PIP4K2C: variants seen among roughly 807,000 people sequenced by gnomAD.
PIP4K2C encodes phosphatidylinositol-5-phosphate 4-kinase type 2 gamma.
Under a neutral mutation model 45.0 loss-of-function variants are expected in PIP4K2C, and 21 were observed. That is an observed-to-expected ratio of 0.47 (90% CI 0.33 to 0.67). The LOEUF (loss-of-function observed/expected upper bound fraction) is 0.67, where lower values mean the gene tolerates loss of function less well. Ranked by LOEUF, PIP4K2C falls within the 30% of genes least tolerant of loss-of-function variation. The pLI, the probability that PIP4K2C is intolerant of heterozygous loss-of-function variation, is 0.02. For synonymous variants in PIP4K2C, 201 were observed against 204.8 expected (o/e 0.98, Z 0.16); for missense variants, 456 against 542.8 (o/e 0.84, Z 1.59).
At chr12:57,595,825 CTA>C in intron 3 of PIP4K2C, 61 bp from the exon 4 acceptor site, 1 of 1,574,110 alleles carries the variant, frequency 6.4e-7, no homozygotes, top group Non-Finnish European at 8.7e-7. Context: ...GACCATTTTC[CTA>C]TGACTTGTTT....
Position 57,601,635 on chromosome 12 carries a change from A to C in PIP4K2C, c.*29A>C, listed in dbSNP as rs777648807. On this transcript the variant is annotated 3_prime_UTR_variant, in exon 10 of 10. Coordinates refer to ENST00000354947, the MANE Select transcript of PIP4K2C (RefSeq NM_024779.5). ...ACTGCCTGGTTCTCTCTGATGTTCA[A>C]GGTGGTGGGGTTCTGAGACACTTGG... The C allele has an allele frequency of 3.2e-6, 5 of 1,558,676 alleles. No homozygotes were observed. The highest frequency in any genetic ancestry group is 4.4e-6 in the Non-Finnish European group (5 of 1,129,608).
Position 57,603,066 on chromosome 12 carries a change from G to A in PIP4K2C, c.*1460G>A, listed in dbSNP as rs776247794. 2.6e-5 allele frequency: 4 copies of A among 152,338 alleles called. No homozygotes were observed. The highest frequency in any genetic ancestry group is 5.9e-5 in the Non-Finnish European group (4 of 68,048). The allele number at this position is 152,338 out of a possible 1,614,324, so 9.4% of individuals were successfully genotyped here. A position where few individuals can be genotyped will look rare whatever the true frequency, so the allele number is the denominator to read the frequency against. On this transcript the variant is annotated 3_prime_UTR_variant, in exon 10 of 10. Coordinates refer to ENST00000354947, the MANE Select transcript of PIP4K2C (RefSeq NM_024779.5). ...GATCTGTCTCACAAGAAGCCATGAG[G>A]CCATAGGGAGAAGCTCCCTCTCCCC...
Position 57,600,897 on chromosome 12 carries a change from G to T in PIP4K2C, c.900G>T (p.Ala300=), listed in dbSNP as rs752628265. The T allele has an allele frequency of 3.1e-6, 5 of 1,614,228 alleles. No homozygotes were observed. Among genetic ancestry groups the T allele is most frequent in the Non-Finnish European group, 3.4e-6 (4 of 1,180,040 alleles). The part of the protein sequence containing the change: ...IIRGSEPEEE[A]PVREDESEVD... ...GGGGCTCTGAACCAGAGGAGGAAGC[G>T]CCCGTGCGGGAGGATGAGTCAGAGG... is the stretch of plus-strand genomic sequence containing the variant. Residue 300 remains alanine, a synonymous_variant, in exon 8 of 10, where the codon GCG becomes GCT. Coordinates refer to ENST00000354947, the MANE Select transcript of PIP4K2C (RefSeq NM_024779.5).
intron 1 of PIP4K2C, among the ~76,000 whole-genome samples, chr12:57,592,395 T>G (rs371201981): frequency 5.1e-4 from 77 of 152,350 alleles, no homozygotes; most frequent in African/African-American, 1.7e-3. Flanking sequence ...AATATAGTCA[T>G]GGCTAGGCTG....
rs780709881 is a variant in PIP4K2C at position 57,599,222 on chromosome 12, G to T, written c.660+11G>T. 8 of 1,613,810 alleles carry T rather than the reference G, an allele frequency of 5.0e-6. No homozygotes were observed. In the East Asian group the frequency reaches 1.6e-4, roughly 31 times the overall value. On this transcript the variant is annotated intron_variant, in intron 5 of 9. Transcript: ENST00000354947. The stretch of plus-strand genomic sequence containing the variant: ...AAGTATGACCTCAAGGTAAGAAGAG[G>T]GTAGCTCGGACTTAGAGGGAGGCTC...
Position 57,591,444 on chromosome 12 carries a change from T to A in PIP4K2C, c.155T>A (p.Leu52Gln). 6.2e-7 allele frequency: 1 copy of A among 1,612,684 alleles called. No homozygotes were observed. Among genetic ancestry groups the A allele is most frequent in the Non-Finnish European group, 8.5e-7 (1 of 1,179,410 alleles). Residue 52 changes from leucine to glutamine, a missense_variant, in exon 1 of 10, where the codon CTG becomes CAG. By Grantham distance (113) the Leu-to-Gln change is moderately radical. Coordinates refer to ENST00000354947, the MANE Select transcript of PIP4K2C (RefSeq NM_024779.5). Reference sequence around the variant, plus strand: ...GCCGACCCGCTGGTGGGTGTGTTCCTGTGGGGCGTAGCCCACTCGGTGAGA... The same window carrying A: ...GCCGACCCGCTGGTGGGTGTGTTCCAGTGGGGCGTAGCCCACTCGGTGAGA... ...RAADPLVGVF[L>Q]WGVAHSINEL...
rs1565712708 is a variant in PIP4K2C, at chr12:57,595,897, A to G, written c.379A>G (p.Thr127Ala). Reference protein sequence around the residue: ...IDDQDYLVSLTRNPPSESEGS... With the variant: ...IDDQDYLVSLARNPPSESEGS... ...TATTCTGTGTCCCCAGGTGTCCCTT[A>G]CCCGAAACCCCCCCAGCGAAAGTGA... Residue 127 changes from threonine (T) to alanine (A), a missense_variant, in exon 4 of 10, where the codon ACC (threonine) becomes GCC (alanine). This residue lies in a region of PIP4K2C where 421 missense variants were observed against 473.1 expected (regional missense o/e 0.89). Transcript: ENST00000354947. 1 of 1,613,934 alleles carries G rather than the reference A, an allele frequency of 6.2e-7. No individual in the cohort carries two copies. The highest frequency in any genetic ancestry group is 1.7e-5 in the Admixed American group (1 of 60,008).
rs1270691224 is a variant in PIP4K2C at position 57,601,862 on chromosome 12, T to C, written c.*256T>C. 1 of 503,496 alleles carries C rather than the reference T, an allele frequency of 2.0e-6. No homozygotes were observed. The highest frequency in any genetic ancestry group is 1.9e-5 in the African/African-American group (1 of 51,804). The allele number at this position is 503,496 out of a possible 1,614,324, so 31.2% of individuals were successfully genotyped here. A position where few individuals can be genotyped will look rare whatever the true frequency, so the allele number is the denominator to read the frequency against. ...AAGTCTGCTTGTAGTATTAGAATGT[T>C]ATTGTTGACTCTCTCCCAAGTGCCT... On this transcript the variant is annotated 3_prime_UTR_variant, in exon 10 of 10. Transcript: ENST00000354947.
At position 57,601,342 on chromosome 12, in the gene PIP4K2C, G is replaced by C; in HGVS notation, c.1179G>C (p.Lys393Asn). The change falls in exon 9 of 10, where the codon AAG (lysine) becomes AAC (asparagine). Residue 393 changes from lysine to asparagine, a missense_variant. Lys to Asn is a moderately conservative substitution (Grantham distance 94). Around this residue, in one of 2 missense-constraint regions of PIP4K2C, gnomAD observed 35 missense variants for 69.7 expected, o/e 0.50. Transcript: ENST00000354947. ...KKAAHAAKTV[K>N]HGAGAEISTV... ...CAGCTCATGCAGCCAAAACTGTCAA[G>C]CATGGGGTGAGAGTTCGCAAAAGCC... The C allele has an allele frequency of 6.2e-7, 1 of 1,612,092 alleles. No homozygotes were observed.
intron 1 of PIP4K2C, among the ~76,000 whole-genome samples, chr12:57,592,575 G>C (rs943226161): frequency 6.6e-6 from 1 of 152,126 alleles, no homozygotes; most frequent in African/African-American, 2.4e-5. Flanking sequence ...GAAGGCACTT[G>C]GTATGGGGAA....
rs1185259103 is a variant in PIP4K2C at position 57,594,010 on chromosome 12, G to A, written c.175-15G>A. ...CCTTCTTCATGGCTTCCCTATTCAT[G>A]GTTTGGCTTATCAGATCAATGAGCT... On this transcript the variant is annotated splice_polypyrimidine_tract_variant and intron_variant, in intron 1 of 9. Coordinates refer to ENST00000354947, the MANE Select transcript of PIP4K2C (RefSeq NM_024779.5). 1 of 1,609,328 alleles carries A rather than the reference G, an allele frequency of 6.2e-7. No homozygotes were observed. The highest frequency in any genetic ancestry group is 8.5e-7 in the Non-Finnish European group (1 of 1,176,448).
In PIP4K2C at chr12:57,591,435, G is replaced by T. The variant is rs1397080762; in HGVS notation, c.146G>T (p.Gly49Val). The T allele has an allele frequency of 1.2e-6, 2 of 1,613,404 alleles. No homozygotes were observed. Among genetic ancestry groups the T allele is most frequent in the Admixed American group, 1.7e-5 (1 of 59,972 alleles). ...KVFRAADPLV[G>V]VFLWGVAHSI... Reference sequence around the variant, plus strand: ...TTCCGGGCGGCCGACCCGCTGGTGGGTGTGTTCCTGTGGGGCGTAGCCCAC... The same window carrying T: ...TTCCGGGCGGCCGACCCGCTGGTGGTTGTGTTCCTGTGGGGCGTAGCCCAC... The change falls in exon 1 of 10, where the codon GGT (glycine) becomes GTT (valine). Residue 49 changes from glycine (G) to valine (V), a missense_variant. Physicochemically the swap from Gly to Val is moderately radical, Grantham distance 109. Around this residue, in one of 2 missense-constraint regions of PIP4K2C, gnomAD observed 421 missense variants for 473.1 expected, o/e 0.89. Coordinates refer to ENST00000354947, the MANE Select transcript of PIP4K2C (RefSeq NM_024779.5).
rs1182244508 is a variant in PIP4K2C, at chr12:57,600,807, TCA to T, written c.814-3_814-2del. 6.2e-7 allele frequency: 1 copy of T among 1,613,934 alleles called. No individual in the cohort carries two copies. Among genetic ancestry groups the T allele is most frequent in the Non-Finnish European group, 8.5e-7 (1 of 1,179,902 alleles). On this transcript the variant is annotated splice_acceptor_variant and splice_polypyrimidine_tract_variant and intron_variant, in intron 7 of 9. Transcript: ENST00000354947. LOFTEE classifies it high-confidence loss of function. ...GAGGTGTCTGATTTGTCAGTGGGTC[TCA>T]GTTTCTAGTGCAGCTGAAGATCATG...
chr12:57,599,121 A>G lies in PIP4K2C; in HGVS notation c.570A>G (p.Arg190=). 1 of 1,614,160 alleles carries G rather than the reference A, an allele frequency of 6.2e-7. No homozygotes were observed. Among genetic ancestry groups the G allele is most frequent in the South Asian group, 1.1e-5 (1 of 91,088 alleles). ...TLLPQFLGMY[R]VSVDNEDSYM... ...TGCCCCAGTTCCTGGGGATGTACCG[A>G]GTCAGTGTGGACAACGAAGACAGCT... Residue 190 remains arginine, a synonymous_variant, in exon 5 of 10, where the codon CGA becomes CGG. Coordinates refer to ENST00000354947, the MANE Select transcript of PIP4K2C (RefSeq NM_024779.5).
At position 57,602,192 on chromosome 12, in the gene PIP4K2C, G is replaced by A. The variant is rs1883470397; in HGVS notation, c.*586G>A. ...TTCCTACACAGGTGGGGTAGAGAGT[G>A]GGTCAGCAGCCTGGCACCTCACAGA... is the stretch of plus-strand genomic sequence containing the variant. On this transcript the variant is annotated 3_prime_UTR_variant, in exon 10 of 10. Transcript: ENST00000354947. 6.4e-6 allele frequency: 1 copy of A among 155,348 alleles called. No individual in the cohort carries two copies. The highest frequency in any genetic ancestry group is 2.4e-5 in the African/African-American group (1 of 41,466). 9.6% of individuals were successfully genotyped at this position (155,348 alleles called of 1,614,324 possible).
intron 1 of PIP4K2C, among the ~76,000 whole-genome samples, chr12:57,591,807 T>C (rs1221119939): frequency 6.6e-6 from 1 of 151,884 alleles, no homozygotes; most frequent in Non-Finnish European, 1.5e-5. Flanking sequence ...GGGGAGTGGC[T>C]TTTTCTCGGG....
At chr12:57,597,226 A>C (rs1224367178) in intron 4 of PIP4K2C, among the ~76,000 whole-genome samples, 3 of 152,240 alleles carry the variant, frequency 2.0e-5, no homozygotes, top group Non-Finnish European at 4.4e-5. Flanking sequence ...GGGAGGGAAC[A>C]CTGGAAGGGT....
Position 57,600,843 on chromosome 12 carries a change from CCTT to C in PIP4K2C, c.849_851del (p.Leu285del). On this transcript the variant is annotated inframe_deletion, in exon 8 of 10. Coordinates refer to ENST00000354947, the MANE Select transcript of PIP4K2C (RefSeq NM_024779.5). ...TGCAGCTGAAGATCATGGACTACAG[CCTT>C]CTGCTAGGCATCCACGACATCATTC... 1.9e-6 allele frequency: 3 copies of C among 1,614,170 alleles called. No individual in the cohort carries two copies. The highest frequency in any genetic ancestry group is 2.5e-6 in the Non-Finnish European group (3 of 1,180,034).
rs780304129 is a variant in PIP4K2C at position 57,600,997 on chromosome 12, G to A, written c.1000G>A (p.Gly334Ser). The A allele has an allele frequency of 1.9e-6, 3 of 1,614,172 alleles. No individual in the cohort carries two copies. The highest frequency in any genetic ancestry group is 8.5e-7 in the Non-Finnish European group (1 of 1,180,042). ...SYGTSPEGIG[G>S]YIHSHRPLGP... ...TGGCACCTCCCCAGAGGGTATCGGA[G>A]GCTACATCCATTCCCATCGGCCCCT... The change falls in exon 8 of 10, where the codon GGC becomes AGC. Residue 334 changes from glycine (G) to serine (S), a missense_variant. By Grantham distance (56) the Gly-to-Ser change is moderately conservative. Around this residue, in one of 2 missense-constraint regions of PIP4K2C, gnomAD observed 421 missense variants for 473.1 expected, o/e 0.89. Transcript: ENST00000354947.
Sources: allele counts gnomAD v4.1 joint callset (sites outside exome capture counted in the v4.1 genomes callset), GRCh38; gene constraint gnomAD v4.1.1; regional missense constraint gnomAD v4.1.1; transcripts MANE v1.5; gene names NCBI Gene and HGNC (gene_info 2026-07-23, HGNC 2026-07-21).